ZNF565: variants seen among roughly 807,000 people sequenced by gnomAD.
ZNF565 encodes the protein zinc finger protein 565.
Under a neutral mutation model 39.4 loss-of-function variants are expected in ZNF565, and 27 were observed. The observed-to-expected ratio is 0.69, with a 90% CI of 0.51 to 0.95. The LOEUF (loss-of-function observed/expected upper bound fraction) is 0.95, where lower values mean the gene tolerates loss of function less well. Ranked by LOEUF, ZNF565 falls within the 40% of genes least tolerant of loss-of-function variation. ZNF565 has a pLI of 0.00. For synonymous variants in ZNF565, 185 were observed against 216.6 expected, an observed-to-expected ratio of 0.85 and a Z score of 1.28; for missense variants, 524 against 621.1, an observed-to-expected ratio of 0.84 and a Z score of 1.66.
chr19:36,211,655 C>T (rs911682922), intron 1 of ZNF565, among the ~76,000 whole-genome samples: 7 of 149,382 alleles, frequency 4.7e-5, no homozygotes, highest in African/African-American at 1.5e-4. Flanking sequence ...TAGCCAGGCG[C>T]GGTGGCAGGC....
chr19:36,196,572 G>C (rs897427657), intron 2 of ZNF565, among the ~76,000 whole-genome samples: 1 of 152,202 alleles, frequency 6.6e-6, no homozygotes, highest in Non-Finnish European at 1.5e-5. Flanking sequence ...ATCTTCCATG[G>C]TCTGGGAATG....
At chr19:36,227,752 T>C (rs1296492430) in intron 1 of ZNF565, among the ~76,000 whole-genome samples, 1 of 152,236 alleles carries the variant, frequency 6.6e-6, no homozygotes, top group South Asian at 2.1e-4. Flanking sequence ...GGTGTGTCAC[T>C]GTGTTGCCCA....
At chr19:36,219,036 C>T (rs1976731151), upstream of ZNF565, among the ~76,000 whole-genome samples, 1 of 151,896 alleles carries the variant, frequency 6.6e-6, no homozygotes, top group South Asian at 2.1e-4. Context: ...TCTCCATCTC[C>T]TGACCTCGTG....
chr19:36,195,195 AC>A (rs775679588), intron 2 of ZNF565, 39 bp from the exon 3 acceptor site: 69 of 1,573,522 alleles, frequency 4.4e-5, no homozygotes, highest in Non-Finnish European at 5.9e-5. Flanking sequence ...ACATTAAGAA[AC>A]TTTTTTCATT....
At chr19:36,207,693 C>T (rs1054888257) in intron 1 of ZNF565, among the ~76,000 whole-genome samples, 3 of 152,162 alleles carry the variant, frequency 2.0e-5, no homozygotes, top group African/African-American at 7.2e-5. Context: ...TGACATTTTC[C>T]AGCCCCTTGC....
chr19:36,197,572 G>T (rs544550723), intron 2 of ZNF565, among the ~76,000 whole-genome samples: 2 of 152,050 alleles, frequency 1.3e-5, no homozygotes, highest in Non-Finnish European at 2.9e-5. Context: ...ACTGTTATTG[G>T]TTGCATAATA....
At chr19:36,233,871 A>C (rs1271868681) in intron 1 of ZNF565, among the ~76,000 whole-genome samples, 1 of 152,132 alleles carries the variant, frequency 6.6e-6, no homozygotes, top group Non-Finnish European at 1.5e-5. Context: ...AACTGCAAAG[A>C]GGTCTTCCTT....
intron 2 of ZNF565, among the ~76,000 whole-genome samples, chr19:36,197,436 C>A (rs1291826687): frequency 6.6e-6 from 1 of 151,952 alleles, no homozygotes; most frequent in Non-Finnish European, 1.5e-5. Flanking sequence ...TGCGCCACTG[C>A]ACTCCAGCCT....
intron 1 of ZNF565, among the ~76,000 whole-genome samples, chr19:36,244,393 C>CA (rs928182651): frequency 3.8e-4 from 57 of 151,706 alleles, no homozygotes; most frequent in African/African-American, 1.4e-3. Flanking sequence ...ACTAAAAATA[C>CA]AAAAATTATC....
At chr19:36,223,861 A>T (rs1041591814) in intron 1 of ZNF565, among the ~76,000 whole-genome samples, 1 of 151,544 alleles carries the variant, frequency 6.6e-6, no homozygotes, top group Non-Finnish European at 1.5e-5. Context: ...AAAAAAAAAA[A>T]TTGTAGAGAT....
intron 1 of ZNF565, among the ~76,000 whole-genome samples, chr19:36,205,324 T>G (rs779099768): frequency 2.0e-5 from 3 of 152,054 alleles, no homozygotes; most frequent in Non-Finnish European, 4.4e-5. Context: ...AATCAGGAGT[T>G]TGAGACCAGC....
At position 36,182,990 on chromosome 19, in the gene ZNF565, G is replaced by A. The variant is rs772973402; in HGVS notation, c.976C>T (p.Gln326Ter). Residue 326 changes from glutamine to a stop codon, truncating the protein, a stop_gained, in exon 5 of 5, where the codon CAG becomes TAG. Transcript: ENST00000304116. LOFTEE classifies it high-confidence loss of function. ...GGTTTCTCACCAGTGTGGATTCGCTGGTGTACAGTCAGCTGTGAGTGCTGT... is the reference window on the plus strand; with the variant it reads ...GGTTTCTCACCAGTGTGGATTCGCTAGTGTACAGTCAGCTGTGAGTGCTGT... ...FRQHSQLTVH[Q>*]RIHTGEKPYE... is the part of the protein sequence containing the mutation. 18 of 1,614,010 alleles carry A rather than the reference G, an allele frequency of 1.1e-5. No individual in the cohort carries two copies. The highest frequency in any genetic ancestry group is 1.4e-5 in the Non-Finnish European group (16 of 1,180,026).
intron 4 of ZNF565, among the ~76,000 whole-genome samples, chr19:36,192,684 T>C (rs1345609796): frequency 1.3e-5 from 2 of 151,920 alleles, no homozygotes; most frequent in East Asian, 1.9e-4. Context: ...GAGGTTTTAG[T>C]AGAGATGGGG....
chr19:36,238,778 G>C (rs1003776333), intron 1 of ZNF565: 1 of 167,108 alleles, frequency 6.0e-6, no homozygotes, highest in East Asian at 1.9e-4. Context: ...ATCCAAATCT[G>C]TTTTAATTAT....
intron 1 of ZNF565, among the ~76,000 whole-genome samples, chr19:36,206,440 T>A (rs944638408): frequency 6.7e-6 from 1 of 148,910 alleles, no homozygotes; most frequent in African/African-American, 2.5e-5. Context: ...AAGACCCCCA[T>A]CTCTACAAAA....
At chr19:36,189,959 G>A (rs1245180774) in intron 4 of ZNF565, among the ~76,000 whole-genome samples, 3 of 151,428 alleles carry the variant, frequency 2.0e-5, no homozygotes, top group South Asian at 2.1e-4. Context: ...TCAGCCTCCC[G>A]AGTAGCTGGG....
chr19:36,208,055 C>T (rs556840558), intron 1 of ZNF565, among the ~76,000 whole-genome samples: 13 of 152,208 alleles, frequency 8.5e-5, no homozygotes, highest in Middle Eastern at 3.4e-3. Context: ...CAGACTCAGA[C>T]GCTTGGTCAA....
chr19:36,235,861 A>T (rs1267046733), intron 1 of ZNF565: 3 of 152,278 alleles, frequency 2.0e-5, no homozygotes, highest in Non-Finnish European at 4.4e-5. Flanking sequence ...CACAACCTGG[A>T]CTGAAATCAT....
chr19:36,221,416 G>T (rs1976832925), intron 1 of ZNF565, among the ~76,000 whole-genome samples: 2 of 150,648 alleles, frequency 1.3e-5, no homozygotes, highest in Non-Finnish European at 2.9e-5. Context: ...AGCCTCCCGA[G>T]TAGCTGGGAC....
Sources: allele counts gnomAD v4.1 joint callset (sites outside exome capture counted in the v4.1 genomes callset), GRCh38; gene constraint gnomAD v4.1.1; transcripts MANE v1.5; gene names NCBI Gene and HGNC (gene_info 2026-07-23, HGNC 2026-07-21).